ZFPM2: variants seen among roughly 807,000 people sequenced by gnomAD.
The protein encoded by ZFPM2 is zinc finger protein, FOG family member 2, also known as zinc finger protein ZFPM2.
ZFPM2 carries 20 observed loss-of-function variants against 98.6 expected under a neutral mutation model. The observed-to-expected ratio is 0.20, with a 90% CI of 0.14 to 0.29. ZFPM2 has a LOEUF of 0.29. Ranked by LOEUF, ZFPM2 falls within the 10% of genes least tolerant of loss-of-function variation. The pLI is 1.00. For synonymous variants in ZFPM2, 518 were observed against 502.7 expected, an observed-to-expected ratio of 1.03 and a Z score of -0.41; for missense variants, 1,310 against 1,388.6, an observed-to-expected ratio of 0.94 and a Z score of 0.90.
chr8:105,391,579 A>G (rs1410323645), intron 1 of ZFPM2, among the ~76,000 whole-genome samples: 5 of 151,736 alleles, frequency 3.3e-5, no homozygotes. Flanking sequence ...TGCGTCGTCA[A>G]TAATGTCTAT....
intron 5 of ZFPM2, among the ~76,000 whole-genome samples, chr8:105,648,758 C>G (rs965314544): frequency 3.3e-5 from 5 of 152,156 alleles, no homozygotes; most frequent in Non-Finnish European, 5.9e-5. Context: ...GGTACCAGTA[C>G]CATGCTGTTT....
At chr8:105,495,258 A>G (rs1345693667) in intron 3 of ZFPM2, among the ~76,000 whole-genome samples, 3 of 152,206 alleles carry the variant, frequency 2.0e-5, no homozygotes, top group African/African-American at 7.2e-5. Flanking sequence ...TTATTAATCT[A>G]AATGTCATCG....
At chr8:105,638,193 G>A (rs1816885716) in intron 5 of ZFPM2, among the ~76,000 whole-genome samples, 1 of 151,926 alleles carries the variant, frequency 6.6e-6, no homozygotes, top group African/African-American at 2.4e-5. Context: ...AGCTTTTCTG[G>A]GTTTTGTGAT....
chr8:105,377,957 A>G (rs1810764596), intron 1 of ZFPM2, among the ~76,000 whole-genome samples: 1 of 152,142 alleles, frequency 6.6e-6, no homozygotes. Flanking sequence ...TGAGTGTGTA[A>G]AAAGTGTGCT....
intron 3 of ZFPM2, among the ~76,000 whole-genome samples, chr8:105,485,316 T>C (rs1271840532): frequency 1.4e-5 from 2 of 146,128 alleles, no homozygotes; most frequent in Non-Finnish European, 2.9e-5. Flanking sequence ...TGTTTGTTTG[T>C]TTTTGATTGA....
intron 3 of ZFPM2, among the ~76,000 whole-genome samples, chr8:105,516,352 G>A (rs1422114927): frequency 6.6e-6 from 1 of 152,140 alleles, no homozygotes; most frequent in Non-Finnish European, 1.5e-5. Context: ...ATAGATTCTG[G>A]GAAGGCAGTG....
intron 1 of ZFPM2, among the ~76,000 whole-genome samples, chr8:105,333,385 G>C (rs973894949): frequency 4.6e-5 from 7 of 151,702 alleles, no homozygotes; most frequent in African/African-American, 1.7e-4. Flanking sequence ...ATCTGTTTGT[G>C]CTTAACTCAT....
chr8:105,749,406 A>G (rs1812425029), intron 5 of ZFPM2, among the ~76,000 whole-genome samples: 2 of 152,164 alleles, frequency 1.3e-5, no homozygotes, highest in South Asian at 4.1e-4. Flanking sequence ...CCTTTATCAA[A>G]CATATATTTG....
At chr8:105,752,374 A>G (rs1031625869) in intron 5 of ZFPM2, among the ~76,000 whole-genome samples, 8 of 152,250 alleles carry the variant, frequency 5.3e-5, no homozygotes, top group Admixed American at 1.3e-4. Context: ...TTCCGAGACT[A>G]TGAACTTTAA....
chr8:105,472,669 A>AT lies in ZFPM2; in HGVS notation c.301+28299dup, dbSNP rs772587939. Among the ~76,000 whole-genome samples the AT allele has an allele frequency of 2.3e-3, 330 of 146,202 alleles. 1 individual carries two copies. Among genetic ancestry groups the AT allele is most frequent in the South Asian group, 5.7e-3 (26 of 4,590 alleles). ...AGGCGCCCACCATCGCACCCGGCTA[A>AT]TTTTTTTTTTTGTATTTTTTATTAG... On this transcript the variant is annotated intron_variant, in intron 3 of 7. Coordinates refer to ENST00000407775, the MANE Select transcript of ZFPM2 (RefSeq NM_012082.4).
At chr8:105,513,178 A>C (rs1313188508) in intron 3 of ZFPM2, among the ~76,000 whole-genome samples, 2 of 152,220 alleles carry the variant, frequency 1.3e-5, no homozygotes, top group African/African-American at 4.8e-5. Flanking sequence ...AAATAGCATG[A>C]GTCAAATTTA....
Position 105,625,164 on chromosome 8 carries a change from A to T in ZFPM2, c.421-9082A>T, listed in dbSNP as rs550701267. On this transcript the variant is annotated intron_variant, in intron 4 of 7. Coordinates refer to ENST00000407775, the MANE Select transcript of ZFPM2 (RefSeq NM_012082.4). ...ATAGGATGTTGCTAATGTCTTTCCC[A>T]CTTGTCCTTTTCACATATTTTCTAA... Among the ~76,000 whole-genome samples the T allele has an allele frequency of 2.6e-5, 4 of 152,148 alleles. No individual in the cohort carries two copies. In the East Asian group the frequency reaches 7.7e-4, roughly 29 times the overall value.
At chr8:105,792,439 A>G (rs554722448) in intron 6 of ZFPM2, among the ~76,000 whole-genome samples, 3 of 152,284 alleles carry the variant, frequency 2.0e-5, no homozygotes, top group East Asian at 3.9e-4. Flanking sequence ...GTTTGATTGC[A>G]CTGTGGTCAG....
intron 5 of ZFPM2, among the ~76,000 whole-genome samples, chr8:105,667,123 T>C (rs938733892): frequency 6.6e-5 from 10 of 152,094 alleles, no homozygotes; most frequent in African/African-American, 2.4e-4. Flanking sequence ...TTCTCAGAAA[T>C]AAATGAAAAG....
At chr8:105,538,798 G>A (rs1270192262) in intron 3 of ZFPM2, among the ~76,000 whole-genome samples, 1 of 152,074 alleles carries the variant, frequency 6.6e-6, no homozygotes, top group Admixed American at 6.6e-5. Context: ...GATCGCTTGA[G>A]CCCAGGAATT....
intron 1 of ZFPM2, among the ~76,000 whole-genome samples, chr8:105,364,969 C>T (rs1810479672): frequency 6.6e-6 from 1 of 152,046 alleles, no homozygotes; most frequent in Non-Finnish European, 1.5e-5. Flanking sequence ...ACTCTTCCTT[C>T]CTTGTCACTT....
chr8:105,524,501 T>TCACACA lies in ZFPM2; in HGVS notation c.302-36850_302-36845dup. Among the ~76,000 whole-genome samples, 3 of 148,882 alleles carry TCACACA rather than the reference T, an allele frequency of 2.0e-5. No individual in the cohort carries two copies. The South Asian group carries it at 6.3e-4, about 31-fold the overall frequency. Reference sequence around the variant, plus strand: ...GTGTGTGTGTTTCTCTCTCTCTCTCTCACACACACACACACACTGAAACTA... The same window carrying TCACACA: ...GTGTGTGTGTTTCTCTCTCTCTCTCTCACACACACACACACACACACACTGAAACTA... On this transcript the variant is annotated intron_variant, in intron 3 of 7. Transcript: ENST00000407775.
At chr8:105,348,296 A>G (rs1460242381) in intron 1 of ZFPM2, among the ~76,000 whole-genome samples, 1 of 152,210 alleles carries the variant, frequency 6.6e-6, no homozygotes, top group African/African-American at 2.4e-5. Flanking sequence ...AGTCATTTGT[A>G]TAAGAAGCAG....
chr8:105,571,377 T>G (rs1270717350), intron 4 of ZFPM2, among the ~76,000 whole-genome samples: 1 of 152,232 alleles, frequency 6.6e-6, no homozygotes, highest in Non-Finnish European at 1.5e-5. Flanking sequence ...TTGTAAAGCA[T>G]AACTATTGTT....
Sources: gnomAD v4.1 joint callset for allele counts (sites outside exome capture counted in the v4.1 genomes callset) on GRCh38, gnomAD v4.1.1 for gene constraint, MANE v1.5 for transcripts, NCBI Gene and HGNC (gene_info 2026-07-23, HGNC 2026-07-21) for gene names.